PDS5B: variants seen among roughly 807,000 people sequenced by gnomAD.
PDS5B encodes the protein PDS5 cohesin associated factor B, also known as sister chromatid cohesion protein PDS5 homolog B.
A neutral mutation model predicts 184.1 loss-of-function variants in PDS5B; 51 were observed. The observed-to-expected ratio is 0.28, with a 90% CI of 0.22 to 0.35. The LOEUF (loss-of-function observed/expected upper bound fraction) is 0.35, where lower values mean the gene tolerates loss of function less well. PDS5B is among the 10% of genes least tolerant of loss of function. The pLI is 1.00. For synonymous variants in PDS5B, 566 were observed against 569.2 expected, an observed-to-expected ratio of 0.99 and a Z score of 0.08; for missense variants, 1,180 against 1,723.3, an observed-to-expected ratio of 0.68 and a Z score of 5.58.
At chr13:32,762,146 A>G (rs77554457) in intron 30 of PDS5B, among the ~76,000 whole-genome samples, 2,384 of 152,226 alleles carry the variant, frequency 0.016, 35 homozygotes, top group Middle Eastern at 0.068. Flanking sequence ...AAGAGTTTTT[A>G]AAATGATTCT....
chr13:32,771,061 C>T (rs949040874), intron 33 of PDS5B: 2 of 240,636 alleles, frequency 8.3e-6, no homozygotes, highest in African/African-American at 4.5e-5. Context: ...ACACATTGAC[C>T]AGGTTGCCTT....
At chr13:32,598,872 G>C (rs550033223) in intron 1 of PDS5B, among the ~76,000 whole-genome samples, 1 of 148,674 alleles carries the variant, frequency 6.7e-6, no homozygotes, top group East Asian at 2.0e-4. Context: ...CTGGGTTCAC[G>C]CCATTCTCCT....
intron 34 of PDS5B, 36 bp downstream of exon 34, chr13:32,773,360 A>C (rs753495383): frequency 6.4e-7 from 1 of 1,560,638 alleles, no homozygotes; most frequent in South Asian, 1.2e-5. Flanking sequence ...GGTGTGGGAT[A>C]TAAAAAGAGT....
At chr13:32,685,419 T>G (rs1951357745) in intron 11 of PDS5B, among the ~76,000 whole-genome samples, 1 of 152,160 alleles carries the variant, frequency 6.6e-6, no homozygotes. Flanking sequence ...TTGAGCTGTT[T>G]TTGTGTATTG....
At chr13:32,597,501 TG>T (rs1413239062) in intron 1 of PDS5B, among the ~76,000 whole-genome samples, 1 of 150,822 alleles carries the variant, frequency 6.6e-6, no homozygotes, top group Non-Finnish European at 1.5e-5. Context: ...GAGTCCAGCC[TG>T]GGTAACACAG....
chr13:32,685,685 A>C (rs1205487105), intron 11 of PDS5B, among the ~76,000 whole-genome samples: 1 of 152,148 alleles, frequency 6.6e-6, no homozygotes, highest in Non-Finnish European at 1.5e-5. Flanking sequence ...TCCCTTTGTC[A>C]CCCAGGCTGG....
At chr13:32,706,004 G>C (rs894093514) in intron 17 of PDS5B, among the ~76,000 whole-genome samples, 2 of 152,016 alleles carry the variant, frequency 1.3e-5, no homozygotes, top group East Asian at 3.9e-4. Context: ...TTGGCCGGGC[G>C]TGGTGGCTCA....
chr13:32,758,693 A>T (rs1954272204), intron 28 of PDS5B, 40 bp downstream of exon 28: 1 of 1,598,418 alleles, frequency 6.3e-7, no homozygotes, highest in East Asian at 2.2e-5. Flanking sequence ...TTGAAATAAA[A>T]TGTATTCTCA....
At chr13:32,615,562 T>G (rs1424950056) in intron 1 of PDS5B, among the ~76,000 whole-genome samples, 1 of 152,188 alleles carries the variant, frequency 6.6e-6, no homozygotes, top group Non-Finnish European at 1.5e-5. Context: ...AATTTTTAGT[T>G]GTGTCGTTTT....
chr13:32,694,508 T>C (rs1465416906), intron 14 of PDS5B, among the ~76,000 whole-genome samples: 4 of 151,906 alleles, frequency 2.6e-5, no homozygotes, highest in African/African-American at 9.7e-5. Flanking sequence ...CAAAAGGTAA[T>C]ACCCAACATT....
At chr13:32,595,792 G>T (rs1320694035) in intron 1 of PDS5B, among the ~76,000 whole-genome samples, 1 of 152,164 alleles carries the variant, frequency 6.6e-6, no homozygotes, top group East Asian at 1.9e-4. Context: ...GGGGTTCAAA[G>T]GACCTATAAG....
At chr13:32,755,548 A>G (rs1243353116) in intron 25 of PDS5B, among the ~76,000 whole-genome samples, 2 of 152,068 alleles carry the variant, frequency 1.3e-5, no homozygotes, top group Non-Finnish European at 2.9e-5. Flanking sequence ...TTCCTTACGT[A>G]TTTTAAAACT....
intron 19 of PDS5B, among the ~76,000 whole-genome samples, chr13:32,718,513 T>C (rs1268619360): frequency 2.0e-5 from 3 of 152,126 alleles, no homozygotes; most frequent in Non-Finnish European, 4.4e-5. Flanking sequence ...CATAACATAA[T>C]TAATATCTCT....
chr13:32,619,152 G>C (rs192138223), intron 1 of PDS5B, among the ~76,000 whole-genome samples: 11 of 112,536 alleles, frequency 9.8e-5, no homozygotes, highest in African/African-American at 3.9e-4. Flanking sequence ...AAATTTGGTG[G>C]TAAGGTCTTT....
rs1468356757 is a variant in PDS5B at position 32,722,012 on chromosome 13, G to A, written c.2124-10089G>A. ...TTGGGAGGCCAAGGCAGGCGGCTGG[G>A]AGGTGGAGGTTGTAGCGAGCCGAGA... On this transcript the variant is annotated intron_variant, in intron 19 of 34. Transcript: ENST00000315596. Among the ~76,000 whole-genome samples, 3 of 152,214 alleles carry A rather than the reference G, an allele frequency of 2.0e-5. No homozygotes were observed. The East Asian group carries it at 5.8e-4, about 29-fold the overall frequency.
At chr13:32,653,296 C>CAA (rs915575573) in intron 3 of PDS5B, among the ~76,000 whole-genome samples, 1 of 151,170 alleles carries the variant, frequency 6.6e-6, no homozygotes, top group Non-Finnish European at 1.5e-5. Flanking sequence ...GAAAACAAAA[C>CAA]AAAAAAAAGA....
rs536413051 is a variant in PDS5B at position 32,710,073 on chromosome 13, G to A, written c.2090G>A (p.Ser697Asn). The A allele has an allele frequency of 1.4e-4, 215 of 1,530,742 alleles. No homozygotes were observed. In the East Asian group the frequency reaches 4.4e-3, roughly 32 times the overall value. 94.8% of individuals were successfully genotyped at this position (1,530,742 alleles called of 1,614,324 possible). The change falls in exon 19 of 35, where the codon AGC (serine) becomes AAC (asparagine). Residue 697 changes from serine (S) to asparagine (N), a missense_variant. Ser to Asn is a conservative substitution (Grantham distance 46). Around this residue, in one of 11 missense-constraint regions of PDS5B, gnomAD observed 475 missense variants for 691.5 expected, o/e 0.69. Transcript: ENST00000315596. Reference sequence around the variant, plus strand: ...CTACAAATTTTCAAAAACACAGGAAGCAAAATTGAAGAGGATTTTCCACAC... The same window carrying A: ...CTACAAATTTTCAAAAACACAGGAAACAAAATTGAAGAGGATTTTCCACAC... Reference protein sequence around the residue: ...AALQIFKNTGSKIEEDFPHIR... With the variant: ...AALQIFKNTGNKIEEDFPHIR...
At chr13:32,700,802 T>C (rs1951842161) in intron 16 of PDS5B, among the ~76,000 whole-genome samples, 1 of 152,142 alleles carries the variant, frequency 6.6e-6, no homozygotes, top group South Asian at 2.1e-4. Context: ...AATGAAAATA[T>C]TTATTGTTGT....
intron 1 of PDS5B, among the ~76,000 whole-genome samples, chr13:32,602,328 A>G (rs948258471): frequency 3.3e-5 from 5 of 151,946 alleles, no homozygotes; most frequent in African/African-American, 9.7e-5. Context: ...ATTCCCACCT[A>G]TGAGTGAGAA....
Sources: gnomAD v4.1 joint callset for allele counts (sites outside exome capture counted in the v4.1 genomes callset) on GRCh38, gnomAD v4.1.1 for gene constraint, gnomAD v4.1.1 regional missense constraint, MANE v1.5 for transcripts, NCBI Gene and HGNC (gene_info 2026-07-23, HGNC 2026-07-21) for gene names.